The following MGAM variants were observed in gnomAD, a reference collection of about 807,000 sequenced individuals.
MGAM encodes maltase-glucoamylase, also known as alpha-1,4-glucosidase.
In MGAM, 253 loss-of-function variants were observed where a neutral mutation model predicts 358.8. The observed-to-expected ratio is 0.71, with a 90% CI of 0.64 to 0.78. The LOEUF is 0.78. MGAM is among the 30% of genes least tolerant of loss of function. MGAM has a pLI of 0.00. For synonymous variants in MGAM, 1,105 were observed against 1,227.1 expected, an observed-to-expected ratio of 0.90 and a Z score of 2.08; for missense variants, 3,080 against 3,432.6, an observed-to-expected ratio of 0.90 and a Z score of 2.57.
At chr7:142,060,871 G>C (rs1357904935) in intron 34 of MGAM, among the ~76,000 whole-genome samples, 1 of 151,762 alleles carries the variant, frequency 6.6e-6, no homozygotes, top group Non-Finnish European at 1.5e-5. Context: ...TACGAGTCCT[G>C]CCCCGAGCCC....
In MGAM at chr7:142,022,389, A is replaced by ATGAAT. The variant is rs782284375; in HGVS notation, c.835_839dup (p.Trp280Ter). The ATGAAT allele has an allele frequency of 1.5e-5, 25 of 1,613,778 alleles. No homozygotes were observed. The highest frequency in any genetic ancestry group is 1.8e-5 in the Non-Finnish European group (21 of 1,179,724). On this transcript the variant is annotated frameshift_variant, in exon 7 of 71. Coordinates refer to ENST00000475668, the MANE Select transcript of MGAM (RefSeq NM_001365693.1). LOFTEE classifies it high-confidence loss of function. ...TGTGCACCAGCAGTATCGGCATGAT[A>ATGAAT]TGAATTGGAAGACCTGGCCCATATT...
chr7:142,038,641 A>G, intron 19 of MGAM, 26 bp downstream of exon 19: 2 of 1,518,612 alleles, frequency 1.3e-6, no homozygotes, highest in East Asian at 2.3e-5. Context: ...GAGATACACT[A>G]GAGATCTCTG....
rs1810297938 is a variant in MGAM, at chr7:142,045,939, A to T, written c.2499-1846A>T. 1.7e-5 allele frequency among the ~76,000 whole-genome samples: 2 copies of T among 118,122 alleles called. 1 individual carries two copies. The highest frequency in any genetic ancestry group is 2.0e-4 in the Admixed American group (2 of 10,086). 77.5% of individuals were successfully genotyped at this position (118,122 alleles called of 152,430 possible). On this transcript the variant is annotated intron_variant, in intron 21 of 70. Transcript: ENST00000475668. Reference sequence around the variant, plus strand: ...TATATATATTATGTATACATACAATATGTAATATATATTATGTATACATAC... The same window carrying T: ...TATATATATTATGTATACATACAATTTGTAATATATATTATGTATACATAC...
Position 142,040,496 on chromosome 7 carries a change from A to G in MGAM, c.2374-226A>G, listed in dbSNP as rs866426235. 2.0e-5 allele frequency: 12 copies of G among 604,390 alleles called. No homozygotes were observed. The Middle Eastern group carries it at 1.3e-3, about 66-fold the overall frequency. The allele number at this position is 604,390 out of a possible 1,614,324, so 37.4% of individuals were successfully genotyped here. ...TCTGTTTAAAACTATCAGTTTATAT[A>G]ATATATCAAATAGCCTCAGCATGGC... On this transcript the variant is annotated intron_variant, in intron 20 of 70. Coordinates refer to ENST00000475668, the MANE Select transcript of MGAM (RefSeq NM_001365693.1).
At chr7:142,006,366 C>G in intron 2 of MGAM, among the ~76,000 whole-genome samples, 1 of 152,038 alleles carries the variant, frequency 6.6e-6, no homozygotes, top group South Asian at 2.1e-4. Flanking sequence ...AAGGACTCTC[C>G]GTGAAGCTTT....
chr7:142,090,836 A>G (rs1416562394), intron 57 of MGAM, among the ~76,000 whole-genome samples: 1 of 146,780 alleles, frequency 6.8e-6, no homozygotes, highest in South Asian at 2.2e-4. Context: ...ACCCACCATT[A>G]AACAGTGAGT....
chr7:142,084,974 A>C (rs757869336), intron 54 of MGAM, among the ~76,000 whole-genome samples: 1 of 146,450 alleles, frequency 6.8e-6, no homozygotes, highest in African/African-American at 2.4e-5. Context: ...AGAATAAATA[A>C]TATCCACAGT....
chr7:142,063,479 T>C lies in MGAM; in HGVS notation c.4258-20T>C. 1 of 1,610,714 alleles carries C rather than the reference T, an allele frequency of 6.2e-7. No individual in the cohort carries two copies. Among genetic ancestry groups the C allele is most frequent in the Non-Finnish European group, 8.5e-7 (1 of 1,178,316 alleles). On this transcript the variant is annotated intron_variant, in intron 35 of 70. Coordinates refer to ENST00000475668, the MANE Select transcript of MGAM (RefSeq NM_001365693.1). ...TAATTATCTTAAAAAGTGAGGTATG[T>C]CTGTGTTTGGCATTTCTAGGATATG...
intron 57 of MGAM, among the ~76,000 whole-genome samples, chr7:142,087,707 A>G (rs1814886532): frequency 6.8e-6 from 1 of 146,592 alleles, no homozygotes; most frequent in African/African-American, 2.4e-5. Flanking sequence ...AATTGAAGGG[A>G]CAAAGAAGCT....
At position 142,092,104 on chromosome 7, in the gene MGAM, C is replaced by T. The variant is rs13310468; in HGVS notation, c.6945+57C>T. 3.3e-5 allele frequency: 50 copies of T among 1,523,184 alleles called. 10 individuals are homozygous for T. The highest frequency in any genetic ancestry group is 2.7e-4 in the Admixed American group (15 of 55,550). The allele number at this position is 1,523,184 out of a possible 1,614,324, so 94.4% of individuals were successfully genotyped here. ...ACACTTGTCTATCTTTGTGTGCCTA[C>T]GTGTATGTACCACTGACCTTCAGTC... On this transcript the variant is annotated intron_variant, in intron 58 of 70. Transcript: ENST00000475668.
intron 34 of MGAM, among the ~76,000 whole-genome samples, chr7:142,061,210 C>T (rs57584000): frequency 0.15 from 23,385 of 152,082 alleles, 3,398 homozygotes; most frequent in East Asian, 0.56. Context: ...TCCTACCTCA[C>T]GGCTGGCCAG....
At chr7:141,990,299 T>C (rs1234207370) in intron 2 of MGAM, among the ~76,000 whole-genome samples, 1 of 152,204 alleles carries the variant, frequency 6.6e-6, no homozygotes, top group Non-Finnish European at 1.5e-5. Context: ...CCTCCTCATA[T>C]CTACACAACT....
intron 1 of MGAM, among the ~76,000 whole-genome samples, chr7:142,003,692 G>T (rs1437197662): frequency 2.0e-5 from 3 of 151,720 alleles, no homozygotes; most frequent in African/African-American, 7.3e-5. Context: ...AACAAAATCA[G>T]ACAAAAGGGG....
chr7:142,000,642 A>G (rs1054264397), intron 1 of MGAM, among the ~76,000 whole-genome samples: 7 of 152,282 alleles, frequency 4.6e-5, no homozygotes, highest in Middle Eastern at 6.8e-3. Context: ...TACTTCACGT[A>G]TTTACTGATT....
chr7:142,017,700 A>C (rs922649462), intron 3 of MGAM, among the ~76,000 whole-genome samples: 4 of 152,168 alleles, frequency 2.6e-5, no homozygotes, highest in Admixed American at 2.6e-4. Flanking sequence ...TCACAGTGAC[A>C]CCTGATCTTA....
At position 142,073,198 on chromosome 7, in the gene MGAM, G is replaced by A. The variant is rs181362928; in HGVS notation, c.5187-887G>A. Among the ~76,000 whole-genome samples the A allele has an allele frequency of 1.6e-4, 24 of 146,128 alleles. 1 individual carries two copies. Among genetic ancestry groups the A allele is most frequent in the Non-Finnish European group, 2.5e-4 (16 of 64,496 alleles). Reference sequence around the variant, plus strand: ...AATTTTTCCTATAATATTGAAGGTCGTTCAGGTCAGGGGTTGTGATTTATT... The same window carrying A: ...AATTTTTCCTATAATATTGAAGGTCATTCAGGTCAGGGGTTGTGATTTATT... On this transcript the variant is annotated intron_variant, in intron 44 of 70. Transcript: ENST00000475668.
intron 3 of MGAM, among the ~76,000 whole-genome samples, 192 bp downstream of exon 3, chr7:142,008,897 C>G (rs777386652): frequency 3.9e-5 from 6 of 152,062 alleles, no homozygotes; most frequent in Admixed American, 6.6e-5. Context: ...AAAGGAAGAC[C>G]TGGAAAATTC....
At chr7:141,998,738 G>A (rs1331677551) in intron 1 of MGAM, among the ~76,000 whole-genome samples, 1 of 152,112 alleles carries the variant, frequency 6.6e-6, no homozygotes, top group Non-Finnish European at 1.5e-5. Context: ...TGTCTTTATA[G>A]TAGAATGATT....
intron 22 of MGAM, among the ~76,000 whole-genome samples, chr7:142,049,013 A>C (rs1314223169): frequency 6.6e-6 from 1 of 152,096 alleles, no homozygotes; most frequent in Admixed American, 6.6e-5. Flanking sequence ...TCATCTCCCC[A>C]GTTTCCACAC....
Sources: allele counts gnomAD v4.1 joint callset (sites outside exome capture counted in the v4.1 genomes callset), GRCh38; gene constraint gnomAD v4.1.1; transcripts MANE v1.5; gene names NCBI Gene and HGNC (gene_info 2026-07-23, HGNC 2026-07-21).